Variants in C12orf42 observed in about 807,000 individuals in gnomAD.
C12orf42 encodes chromosome 12 open reading frame 42.
In C12orf42, 25 loss-of-function variants were observed where a neutral mutation model predicts 21.6. That is an observed-to-expected ratio of 1.16 (90% CI 0.84 to 1.62). The LOEUF is 1.62. Ranked by LOEUF, C12orf42 falls within the 40% of genes most tolerant of loss-of-function variation. The probability of loss-of-function intolerance (pLI) is 0.00; values close to 1 mark genes in which losing one functional copy is unlikely to be tolerated. For missense variants in C12orf42, 483 were observed against 459.3 expected (o/e 1.05, Z -0.47); for synonymous variants, 174 against 175.0 (o/e 0.99, Z 0.05).
chr12:103,166,271 T>C, the C12orf42 span, among the ~76,000 whole-genome samples: 32 of 152,208 alleles, frequency 2.1e-4, no homozygotes, highest in African/African-American at 7.5e-4. Context: ...TATAGGGTGG[T>C]TGTTCTGAAT....
intron 4 of C12orf42, among the ~76,000 whole-genome samples, chr12:103,323,164 C>G (rs1161463624): frequency 6.6e-6 from 1 of 152,086 alleles, no homozygotes; most frequent in Non-Finnish European, 1.5e-5. Context: ...TCCTCCAACT[C>G]TTTTTTTACC....
the C12orf42 span, among the ~76,000 whole-genome samples, chr12:103,051,614 C>T: frequency 6.6e-6 from 1 of 152,136 alleles, no homozygotes; most frequent in Non-Finnish European, 1.5e-5. Flanking sequence ...TATAAAAAGC[C>T]ATCCGCATTT....
the C12orf42 span, among the ~76,000 whole-genome samples, chr12:103,107,694 G>C: frequency 6.6e-6 from 1 of 151,376 alleles, no homozygotes; most frequent in African/African-American, 2.4e-5. Context: ...CAAGAAATTA[G>C]GAAATGAATA....
At chr12:103,560,121 C>A in the C12orf42 span, among the ~76,000 whole-genome samples, 1 of 152,194 alleles carries the variant, frequency 6.6e-6, no homozygotes, top group Non-Finnish European at 1.5e-5. Flanking sequence ...TTTATAATTT[C>A]TCAAACTCTA....
At chr12:103,228,497 G>A in the C12orf42 span, among the ~76,000 whole-genome samples, 3 of 152,054 alleles carry the variant, frequency 2.0e-5, no homozygotes, top group Non-Finnish European at 4.4e-5. Context: ...GGCCATCTGG[G>A]CATATACGTG....
chr12:103,372,767 G>T (rs1430844573), intron 3 of C12orf42, among the ~76,000 whole-genome samples: 2 of 152,106 alleles, frequency 1.3e-5, no homozygotes, highest in Non-Finnish European at 2.9e-5. Context: ...AAAAGCTAAG[G>T]CAGTGAGTCT....
chr12:103,116,245 T>A, the C12orf42 span, among the ~76,000 whole-genome samples: 4 of 151,762 alleles, frequency 2.6e-5, no homozygotes, highest in East Asian at 3.9e-4. Context: ...ATGCCTATAA[T>A]CCCAGCTACT....
intron 5 of C12orf42, among the ~76,000 whole-genome samples, chr12:103,272,987 C>T (rs2035558042): frequency 6.6e-6 from 1 of 152,196 alleles, no homozygotes; most frequent in Non-Finnish European, 1.5e-5. Context: ...CACTACTTTG[C>T]TCATTTGTTC....
At chr12:103,181,520 G>A in the C12orf42 span, among the ~76,000 whole-genome samples, 1 of 152,158 alleles carries the variant, frequency 6.6e-6, no homozygotes, top group African/African-American at 2.4e-5. Flanking sequence ...AGGTAGCTTT[G>A]GTAACATGGC....
the C12orf42 span, among the ~76,000 whole-genome samples, chr12:103,507,875 T>G: frequency 6.6e-6 from 1 of 152,076 alleles, no homozygotes. Flanking sequence ...AGCTCTCCCA[T>G]CAGAGAATAT....
the C12orf42 span, among the ~76,000 whole-genome samples, chr12:103,515,871 T>C: frequency 6.6e-6 from 1 of 152,184 alleles, no homozygotes; most frequent in South Asian, 2.1e-4. Flanking sequence ...ATAAGGCAAA[T>C]AGGATTCTTA....
chr12:103,274,264 G>A (rs551249558), intron 5 of C12orf42, among the ~76,000 whole-genome samples: 1 of 152,284 alleles, frequency 6.6e-6, no homozygotes, highest in South Asian at 2.1e-4. Context: ...GTTTATCTGT[G>A]ATGCCTGTGC....
chr12:103,143,710 A>G, the C12orf42 span, among the ~76,000 whole-genome samples: 3 of 152,238 alleles, frequency 2.0e-5, no homozygotes, highest in South Asian at 2.1e-4. Flanking sequence ...ATAGGAGAAC[A>G]AGACTTTGAA....
intron 2 of C12orf42, among the ~76,000 whole-genome samples, chr12:103,426,353 C>T (rs867806558): frequency 6.6e-6 from 1 of 152,068 alleles, no homozygotes. Flanking sequence ...GTGGAAGAAA[C>T]AATCTCAGAG....
chr12:103,104,117 C>T, the C12orf42 span, among the ~76,000 whole-genome samples: 2 of 152,086 alleles, frequency 1.3e-5, no homozygotes, highest in Non-Finnish European at 2.9e-5. Context: ...CATATCACAG[C>T]TAATAAATGG....
At chr12:103,322,409 C>T (rs1053992924) in intron 4 of C12orf42, among the ~76,000 whole-genome samples, 24 of 152,120 alleles carry the variant, frequency 1.6e-4, no homozygotes, top group Non-Finnish European at 3.1e-4. Context: ...GGGGCAGATG[C>T]TGGCAGCTAT....
chr12:103,095,403 G>T, the C12orf42 span, among the ~76,000 whole-genome samples: 3 of 152,056 alleles, frequency 2.0e-5, no homozygotes, highest in African/African-American at 7.2e-5. Flanking sequence ...TGCTGCCCTT[G>T]AACACACCAG....
intron 4 of C12orf42, among the ~76,000 whole-genome samples, chr12:103,336,964 A>T (rs2041753625): frequency 6.6e-6 from 1 of 152,178 alleles, no homozygotes; most frequent in African/African-American, 2.4e-5. Context: ...TTTTAGGTAC[A>T]ACCCTTGAAG....
At position 103,347,031 on chromosome 12, in the gene C12orf42, A is replaced by G. The variant is rs529291002; in HGVS notation, c.259+21856T>C. Among the ~76,000 whole-genome samples, 9 of 152,272 alleles carry G rather than the reference A, an allele frequency of 5.9e-5. No individual in the cohort carries two copies. The East Asian group carries it at 1.7e-3, about 29-fold the overall frequency. ...GAGCTGACATCACAGCATCACTGACAGTCTCCACCATCTTTTGTAATTACC... is the reference window on the plus strand; with the variant it reads ...GAGCTGACATCACAGCATCACTGACGGTCTCCACCATCTTTTGTAATTACC... On this transcript the variant is annotated intron_variant, in intron 4 of 5. Coordinates refer to ENST00000548883, the MANE Select transcript of C12orf42 (RefSeq NM_198521.5).
Sources: allele counts gnomAD v4.1 joint callset (sites outside exome capture counted in the v4.1 genomes callset), GRCh38; gene constraint gnomAD v4.1.1; transcripts MANE v1.5; gene names NCBI Gene and HGNC (gene_info 2026-07-23, HGNC 2026-07-21).